TUT7: variants seen among roughly 807,000 people sequenced by gnomAD.
The protein encoded by TUT7 is terminal uridylyl transferase 7.
In TUT7, 33 loss-of-function variants were observed where a neutral mutation model predicts 165.9. The ratio of observed to expected loss-of-function variants is 0.20; its 90% CI spans 0.15 to 0.27. The LOEUF is 0.27. TUT7 is among the 10% of genes least tolerant of loss of function. The probability of loss-of-function intolerance (pLI) is 1.00; values close to 1 mark genes in which losing one functional copy is unlikely to be tolerated. For synonymous variants in TUT7, 552 were observed against 608.1 expected, an observed-to-expected ratio of 0.91 and a Z score of 1.36; for missense variants, 1,338 against 1,762.3, an observed-to-expected ratio of 0.76 and a Z score of 4.31.
At position 86,343,486 on chromosome 9, in the gene TUT7, T is replaced by A. The variant is rs573588472; in HGVS notation, c.998-323A>T. Reference sequence around the variant, plus strand: ...ATATCACATTTTATGAAGAAAATACTATTTAAAATATTTTTTTAAATGTGC... The same window carrying A: ...ATATCACATTTTATGAAGAAAATACAATTTAAAATATTTTTTTAAATGTGC... On this transcript the variant is annotated intron_variant, in intron 5 of 26. Transcript: ENST00000375963. Among the ~76,000 whole-genome samples the A allele has an allele frequency of 2.0e-5, 3 of 152,342 alleles. No homozygotes were observed. In the South Asian group the frequency reaches 6.2e-4, roughly 32 times the overall value.
chr9:86,310,319 T>G (rs1236707409), intron 18 of TUT7, among the ~76,000 whole-genome samples: 1 of 152,074 alleles, frequency 6.6e-6, no homozygotes, highest in Non-Finnish European at 1.5e-5. Context: ...TTTTTTTCCC[T>G]AAAGACAATC....
At chr9:86,326,537 A>C (rs1829810952) in intron 11 of TUT7, 2 of 154,764 alleles carry the variant, frequency 1.3e-5, no homozygotes, top group African/African-American at 4.8e-5. Context: ...AACAAGGGAA[A>C]GCATCTGGCA....
chr9:86,323,584 T>G lies in TUT7; in HGVS notation c.2166A>C (p.Glu722Asp). The G allele has an allele frequency of 6.2e-7, 1 of 1,614,236 alleles. No individual in the cohort carries two copies. The highest frequency in any genetic ancestry group is 8.5e-7 in the Non-Finnish European group (1 of 1,180,044). The change falls in exon 13 of 27, where the codon GAA becomes GAC. Residue 722 changes from glutamate to aspartate, a missense_variant. Glu to Asp is a conservative substitution (Grantham distance 45). Coordinates refer to ENST00000375963, the MANE Select transcript of TUT7 (RefSeq NM_024617.4). ...MGNEHISVHP[E>D]NSDCIQADVN... ...CATCTGCTTGGATACAGTCTGAGTT[T>G]TCAGGGTGGACACTGATGTGTTCAT... is the stretch of plus-strand genomic sequence containing the variant.
chr9:86,297,813 A>G (rs529804130), intron 26 of TUT7, among the ~76,000 whole-genome samples: 60 of 152,238 alleles, frequency 3.9e-4, no homozygotes, highest in African/African-American at 1.4e-3. Flanking sequence ...TGAGGGAGAA[A>G]AAAACCAACA....
chr9:86,327,379 C>T (rs1005451375), intron 11 of TUT7, among the ~76,000 whole-genome samples: 7 of 152,150 alleles, frequency 4.6e-5, no homozygotes, highest in African/African-American at 9.7e-5. Context: ...ACCACATGCT[C>T]GGCACTGAGT....
At chr9:86,289,370 A>G (rs1825742980) in intron 26 of TUT7, among the ~76,000 whole-genome samples, 1 of 152,206 alleles carries the variant, frequency 6.6e-6, no homozygotes, top group Non-Finnish European at 1.5e-5. Context: ...AAAGTAATAC[A>G]TAATGAAGTT....
intron 2 of TUT7, among the ~76,000 whole-genome samples, chr9:86,351,132 CAAAA>C (rs35968773): frequency 8.3e-6 from 1 of 120,494 alleles, no homozygotes. Flanking sequence ...GAGACTGTCT[CAAAA>C]AAAAAAAAAA....
In TUT7 at chr9:86,288,697, T is replaced by G; in HGVS notation, c.4468A>C (p.Arg1490=). 6.2e-7 allele frequency: 1 copy of G among 1,613,990 alleles called. No individual in the cohort carries two copies. The highest frequency in any genetic ancestry group is 8.5e-7 in the Non-Finnish European group (1 of 1,179,900). Residue 1490 remains arginine, a synonymous_variant, in exon 27 of 27, where the codon AGG becomes CGG. Transcript: ENST00000375963. ...TTCCCTCATGATTCCTGCTGGGTCCTCTTCGCTGAGGCTTTTCCCTGAGTC... is the reference window on the plus strand; with the variant it reads ...TTCCCTCATGATTCCTGCTGGGTCCGCTTCGCTGAGGCTTTTCCCTGAGTC... The part of the protein sequence containing the change: ...YMTQGKASAK[R]TQQES
At chr9:86,341,133 C>A in intron 6 of TUT7, 80 bp from the exon 7 acceptor site, 1 of 1,178,816 alleles carries the variant, frequency 8.5e-7, no homozygotes, top group South Asian at 1.3e-5. Context: ...CCGAAGTTCC[C>A]CAAATTCCTT....
intron 26 of TUT7, among the ~76,000 whole-genome samples, chr9:86,293,649 T>C (rs995114582): frequency 2.0e-5 from 3 of 152,228 alleles, no homozygotes; most frequent in Admixed American, 6.5e-5. Context: ...ACTGTCAAAA[T>C]GTGCATACTT....
rs1002278914 is a variant in TUT7, at chr9:86,288,540, TA to T, written c.*136del. The T allele has an allele frequency of 7.7e-4, 428 of 553,426 alleles. No individual in the cohort carries two copies. The highest frequency in any genetic ancestry group is 9.0e-4 in the Non-Finnish European group (301 of 333,464). 34.3% of individuals were successfully genotyped at this position (553,426 alleles called of 1,614,324 possible). On this transcript the variant is annotated 3_prime_UTR_variant, in exon 27 of 27. Coordinates refer to ENST00000375963, the MANE Select transcript of TUT7 (RefSeq NM_024617.4). ...TTCCTCATTAACAATTTCATTAAAT[TA>T]AAAAAAAATCTGACATTTCCCTTAA... is the stretch of plus-strand genomic sequence containing the variant.
intron 18 of TUT7, 90 bp downstream of exon 18, chr9:86,310,615 AT>A: frequency 1.7e-6 from 1 of 598,736 alleles, no homozygotes; most frequent in Admixed American, 3.1e-5. Context: ...CTAAGATGAA[AT>A]GAATGTGACT....
intron 14 of TUT7, among the ~76,000 whole-genome samples, chr9:86,320,340 G>T (rs920285967): frequency 1.3e-5 from 2 of 149,800 alleles, no homozygotes; most frequent in African/African-American, 4.9e-5. Context: ...TGTGAAACAA[G>T]TTCCTTCATT....
rs1831683548 is a variant in TUT7 at position 86,345,565 on chromosome 9, G to A, written c.819+104C>T. On this transcript the variant is annotated intron_variant, in intron 4 of 26. Coordinates refer to ENST00000375963, the MANE Select transcript of TUT7 (RefSeq NM_024617.4). ...TCAAATATATTCAATAAATAAAGCAGTAAAGTTATCAATATCATAGCCTTA... is the reference window on the plus strand; with the variant it reads ...TCAAATATATTCAATAAATAAAGCAATAAAGTTATCAATATCATAGCCTTA... 4 of 808,614 alleles carry A rather than the reference G, an allele frequency of 4.9e-6. No individual in the cohort carries two copies. The South Asian group carries it at 6.8e-5, about 14-fold the overall frequency. The allele number at this position is 808,614 out of a possible 1,614,324, so 50.1% of individuals were successfully genotyped here.
rs772437076 is a variant in TUT7 at position 86,343,145 on chromosome 9, T to C, written c.1016A>G (p.Tyr339Cys). Residue 339 changes from tyrosine (Y) to cysteine (C), a missense_variant, in exon 6 of 27, where the codon TAT becomes TGT. Physicochemically the swap from Tyr to Cys is radical, Grantham distance 194. Coordinates refer to ENST00000375963, the MANE Select transcript of TUT7 (RefSeq NM_024617.4). Reference sequence around the variant, plus strand: ...ACCCAATCTGCTACAGGATGACCCATATAATCTTAGGGAACAATCTAAAAA... The same window carrying C: ...ACCCAATCTGCTACAGGATGACCCACATAATCTTAGGGAACAATCTAAAAA... ...HKLPDCSLRLYGSSCSRLGFK... is the reference protein window; with the variant it reads ...HKLPDCSLRLCGSSCSRLGFK... 1 of 1,580,130 alleles carries C rather than the reference T, an allele frequency of 6.3e-7. No individual in the cohort carries two copies. Among genetic ancestry groups the C allele is most frequent in the Non-Finnish European group, 8.6e-7 (1 of 1,163,474 alleles).
At chr9:86,321,170 T>C (rs1262679131) in intron 14 of TUT7, among the ~76,000 whole-genome samples, 1 of 150,232 alleles carries the variant, frequency 6.7e-6, no homozygotes, top group Non-Finnish European at 1.5e-5. Context: ...CTGGCCAATA[T>C]GGTGAAACCC....
At chr9:86,312,373 C>G (rs1395574467) in intron 17 of TUT7, among the ~76,000 whole-genome samples, 1 of 151,448 alleles carries the variant, frequency 6.6e-6, no homozygotes, top group African/African-American at 2.4e-5. Flanking sequence ...GTGAGGAGCC[C>G]CTCAGCCCAG....
At chr9:86,314,018 A>G (rs13293425) in intron 17 of TUT7, among the ~76,000 whole-genome samples, 7 of 152,236 alleles carry the variant, frequency 4.6e-5, no homozygotes, top group Non-Finnish European at 4.4e-5. Flanking sequence ...TAGGCTTTGC[A>G]CTTTACGTAT....
At chr9:86,297,659 C>G (rs530709858) in intron 26 of TUT7, among the ~76,000 whole-genome samples, 32 of 152,248 alleles carry the variant, frequency 2.1e-4, no homozygotes, top group South Asian at 1.7e-3. Context: ...GAGACCACAT[C>G]TCTACAAATC....
Sources: allele counts gnomAD v4.1 joint callset (sites outside exome capture counted in the v4.1 genomes callset), GRCh38; gene constraint gnomAD v4.1.1; transcripts MANE v1.5; gene names NCBI Gene and HGNC (gene_info 2026-07-23, HGNC 2026-07-21).